Variants in ARHGEF26 observed in about 807,000 individuals in gnomAD.
ARHGEF26 encodes Rho guanine nucleotide exchange factor (GEF) 26.
A neutral mutation model predicts 89.4 loss-of-function variants in ARHGEF26; 59 were observed. The ratio of observed to expected loss-of-function variants is 0.66; its 90% confidence interval spans 0.54 to 0.82. The LOEUF is 0.82. Among genes scored for constraint, ARHGEF26 ranks in the 40% least tolerant of loss-of-function variants. ARHGEF26 has a pLI of 0.00. For synonymous variants in ARHGEF26, 500 were observed against 428.4 expected, an observed-to-expected ratio of 1.17 and a Z score of -2.06; for missense variants, 1,234 against 1,085.6, an observed-to-expected ratio of 1.14 and a Z score of -1.92.
chr3:154,179,086 A>C (rs1014168524), intron 6 of ARHGEF26, among the ~76,000 whole-genome samples: 5 of 152,228 alleles, frequency 3.3e-5, no homozygotes, highest in African/African-American at 1.2e-4. Context: ...TACAAGCACT[A>C]GATGTTTCAT....
chr3:154,178,787 G>A (rs1447208384), intron 6 of ARHGEF26, among the ~76,000 whole-genome samples: 1 of 152,116 alleles, frequency 6.6e-6, no homozygotes, highest in East Asian at 1.9e-4. Flanking sequence ...TTAACATTTT[G>A]AAGAACTGCC....
intron 10 of ARHGEF26, among the ~76,000 whole-genome samples, chr3:154,219,153 C>T (rs1259462378): frequency 2.6e-5 from 4 of 152,190 alleles, no homozygotes; most frequent in African/African-American, 9.7e-5. Context: ...CTCGTTCTCT[C>T]TAATTTGTTT....
intron 14 of ARHGEF26, 73 bp downstream of exon 14, chr3:154,254,897 T>C (rs1005492560): frequency 3.1e-5 from 38 of 1,206,818 alleles, no homozygotes; most frequent in Non-Finnish European, 4.3e-5. Context: ...GAGTGTCATT[T>C]TGTCATCATT....
At position 154,191,431 on chromosome 3, in the gene ARHGEF26, G is replaced by GT. The variant is rs753677551; in HGVS notation, c.1770+13_1770+14insT. ...CCTGCTGATGGATGTAAGACATGAC[G>GT]GTGGCTTTTTCCTCTGTGGATAGCT... On this transcript the variant is annotated intron_variant, in intron 8 of 14. Transcript: ENST00000465093. 2 of 1,610,026 alleles carry GT rather than the reference G, an allele frequency of 1.2e-6. No homozygotes were observed. The highest frequency in any genetic ancestry group is 1.7e-6 in the Non-Finnish European group (2 of 1,178,628).
rs573177955 is a variant in ARHGEF26, at chr3:154,243,215, A to T, written c.2300+2636A>T. Among the ~76,000 whole-genome samples the T allele has an allele frequency of 1.8e-3, 277 of 152,290 alleles. 1 individual carries two copies. Among genetic ancestry groups the T allele is most frequent in the Non-Finnish European group, 2.2e-3 (151 of 68,012 alleles). On this transcript the variant is annotated intron_variant, in intron 12 of 14. Coordinates refer to ENST00000465093, the MANE Select transcript of ARHGEF26 (RefSeq NM_015595.4). ...TGACTTTAACACTTTGGAAATCAGT[A>T]ATTTTCCAGTGTTCCAGAGAATTCT...
chr3:154,153,652 A>T (rs1345665149), intron 6 of ARHGEF26, among the ~76,000 whole-genome samples: 1 of 152,126 alleles, frequency 6.6e-6, no homozygotes, highest in African/African-American at 2.4e-5. Context: ...TTCCAAAAAT[A>T]TGAAAGATCC....
chr3:154,215,188 A>T (rs1225334806), intron 9 of ARHGEF26, among the ~76,000 whole-genome samples: 3 of 152,014 alleles, frequency 2.0e-5, no homozygotes, highest in Non-Finnish European at 1.5e-5. Context: ...TCATGCCAGG[A>T]TCTTCTTTGA....
intron 9 of ARHGEF26, among the ~76,000 whole-genome samples, chr3:154,214,915 C>T (rs1715622394): frequency 6.6e-6 from 1 of 152,146 alleles, no homozygotes; most frequent in Admixed American, 6.5e-5. Flanking sequence ...GATATGCTGT[C>T]ATTGAAGACA....
At chr3:154,180,373 T>A (rs1413071333) in intron 6 of ARHGEF26, among the ~76,000 whole-genome samples, 2 of 152,018 alleles carry the variant, frequency 1.3e-5, no homozygotes, top group African/African-American at 4.8e-5. Flanking sequence ...TTGCCAAGTG[T>A]GTCTGTTCCT....
chr3:154,206,019 A>G (rs867763617), intron 9 of ARHGEF26, among the ~76,000 whole-genome samples: 14 of 152,126 alleles, frequency 9.2e-5, no homozygotes, highest in African/African-American at 1.7e-4. Flanking sequence ...ATTGATTAAT[A>G]TCATTTTCTT....
At chr3:154,159,932 G>T (rs1053384667) in intron 6 of ARHGEF26, among the ~76,000 whole-genome samples, 6 of 151,986 alleles carry the variant, frequency 3.9e-5, no homozygotes, top group Non-Finnish European at 8.8e-5. Flanking sequence ...TGAAGTAATG[G>T]CTGTTGCTAT....
chr3:154,210,513 C>T (rs1467606758), intron 9 of ARHGEF26, among the ~76,000 whole-genome samples: 1 of 151,650 alleles, frequency 6.6e-6, no homozygotes, highest in Non-Finnish European at 1.5e-5. Context: ...CGGGGTTTCA[C>T]CATGCTGGCC....
chr3:154,255,473 G>A lies in ARHGEF26; in HGVS notation c.2616G>A (p.Ter872=). The A allele has an allele frequency of 1.2e-6, 2 of 1,612,322 alleles. No individual in the cohort carries two copies. Among genetic ancestry groups the A allele is most frequent in the Non-Finnish European group, 1.7e-6 (2 of 1,179,042 alleles). Reference sequence around the variant, plus strand: ...TGCTAGGACTGGAGACCAACGTGTAGTCTCTCAGATGGTCTTTTGTTACTG... The same window carrying A: ...TGCTAGGACTGGAGACCAACGTGTAATCTCTCAGATGGTCTTTTGTTACTG... The part of the protein sequence containing the change: ...GRLLGLETNV[*] Residue 872 remains the stop codon, a stop_retained_variant, in exon 15 of 15, where the codon TAG becomes TAA. Coordinates refer to ENST00000465093, the MANE Select transcript of ARHGEF26 (RefSeq NM_015595.4).
intron 10 of ARHGEF26, among the ~76,000 whole-genome samples, chr3:154,220,220 G>A (rs1716040405): frequency 6.6e-6 from 1 of 152,210 alleles, no homozygotes; most frequent in Admixed American, 6.5e-5. Context: ...GGCAAGTATT[G>A]TAAGAATAGA....
chr3:154,171,688 C>T (rs902710484), intron 6 of ARHGEF26, among the ~76,000 whole-genome samples: 2 of 152,066 alleles, frequency 1.3e-5, no homozygotes, highest in African/African-American at 4.8e-5. Context: ...AACAGGCAGG[C>T]AAGCAGGTTT....
intron 6 of ARHGEF26, among the ~76,000 whole-genome samples, chr3:154,185,061 C>T (rs746378559): frequency 6.6e-6 from 1 of 152,122 alleles, no homozygotes; most frequent in African/African-American, 2.4e-5. Context: ...TACACGTGTC[C>T]TTACCTGTGT....
intron 6 of ARHGEF26, among the ~76,000 whole-genome samples, chr3:154,171,910 A>G (rs1412002809): frequency 1.3e-5 from 2 of 152,172 alleles, no homozygotes; most frequent in Non-Finnish European, 2.9e-5. Flanking sequence ...AGGAGATGCC[A>G]GTGGGAGTAG....
chr3:154,174,198 G>A (rs1000306982), intron 6 of ARHGEF26, among the ~76,000 whole-genome samples: 2 of 152,180 alleles, frequency 1.3e-5, no homozygotes, highest in Non-Finnish European at 2.9e-5. Flanking sequence ...TGTGAGTACA[G>A]CGCCAGTCAT....
intron 11 of ARHGEF26, among the ~76,000 whole-genome samples, 196 bp from the exon 12 acceptor site, chr3:154,240,173 GT>G (rs1717401795): frequency 6.6e-6 from 1 of 152,136 alleles, no homozygotes; most frequent in Non-Finnish European, 1.5e-5. Flanking sequence ...TAGTAATTAG[GT>G]TTAATTGGAG....
Sources: gnomAD v4.1 joint callset for allele counts (sites outside exome capture counted in the v4.1 genomes callset) on GRCh38, gnomAD v4.1.1 for gene constraint, MANE v1.5 for transcripts, NCBI Gene and HGNC (gene_info 2026-07-23, HGNC 2026-07-21) for gene names.